TMC6: variants seen among roughly 807,000 people sequenced by gnomAD.
TMC6 encodes transmembrane channel like 6, also known as transmembrane channel-like protein 6.
A neutral mutation model predicts 95.4 loss-of-function variants in TMC6; 71 were observed. That is an observed-to-expected ratio of 0.74 (90% CI 0.61 to 0.91). The LOEUF (loss-of-function observed/expected upper bound fraction) is 0.91, where lower values mean the gene tolerates loss of function less well. Among genes scored for constraint, TMC6 ranks in the 40% least tolerant of loss-of-function variants. The pLI is 0.00. For synonymous variants in TMC6, 514 were observed against 483.1 expected (o/e 1.06, Z -0.84); for missense variants, 1,074 against 1,079.1 (o/e 1.00, Z 0.07).
intron 14 of TMC6, 116 bp downstream of exon 14, chr17:78,119,181 A>AGG: frequency 6.6e-7 from 1 of 1,508,402 alleles, no homozygotes. Flanking sequence ...GCATCACTCC[A>AGG]GGGTCCATGG....
chr17:78,113,553 C>A lies in TMC6; in HGVS notation c.2349G>T (p.Arg783Ser), dbSNP rs189863331. The change falls in exon 19 of 20, where the codon AGG becomes AGT. Residue 783 changes from arginine (R) to serine (S), a missense_variant. Physicochemically the swap from Arg to Ser is moderately radical, Grantham distance 110 (BLOSUM62 -1). Transcript: ENST00000590602. ...ATCCCTCCACGGACCCTCACCTGCT[C>A]CTCTCCTCCCTCTCCTTCCTCTCGT... ...SIYERKEREERSRVGTTEEAA... is the reference protein window; with the variant it reads ...SIYERKEREESSRVGTTEEAA... 74 of 1,614,000 alleles carry A rather than the reference C, an allele frequency of 4.6e-5. 1 individual carries two copies. In the East Asian group the frequency reaches 1.6e-3, roughly 35 times the overall value.
At chr17:78,128,851 CG>C (rs1363929320), upstream of TMC6, 16 of 148,936 alleles carry the variant, frequency 1.1e-4, no homozygotes, top group Non-Finnish European at 2.2e-4. This position sits in a 1 kb window ranked among gnomAD's most constrained non-coding sequence, Gnocchi z 4.0. Flanking sequence ...CGGCCCGCGG[CG>C]CCCCCGCCCT....
Position 78,109,471 on chromosome 17 carries a change from A to C in TMC6, c.*3677T>G, listed in dbSNP as rs750175998. 2.2e-6 allele frequency: 1 copy of C among 456,706 alleles called. No homozygotes were observed. The allele number at this position is 456,706 out of a possible 1,614,324, so 28.3% of individuals were successfully genotyped here. A position where few individuals can be genotyped will look rare whatever the true frequency, so the allele number is the denominator to read the frequency against. ...TGCAGGACTGGCCCCTGAACAGCAC[A>C]AGTGTAGTATGCCTGGGCCCCAGGT... On this transcript the variant is annotated 3_prime_UTR_variant, in exon 20 of 20. Transcript: ENST00000590602.
At position 78,124,010 on chromosome 17, in the gene TMC6, G is replaced by T. The variant is rs755153678; in HGVS notation, c.1061C>A (p.Thr354Asn). 1 of 1,613,836 alleles carries T rather than the reference G, an allele frequency of 6.2e-7. No individual in the cohort carries two copies. The highest frequency in any genetic ancestry group is 8.5e-7 in the Non-Finnish European group (1 of 1,179,984). ...LSTVGVSFFI[T>N]CITLVYSMAH... is the part of the protein sequence containing the mutation. ...TTACCTGTACACCAGGGTGATGCAG[G>T]TGATAAAGAAGCTCACGCCCACAGT... Residue 354 changes from threonine to asparagine, a missense_variant, in exon 9 of 20, where the codon ACC becomes AAC. Thr to Asn is a moderately conservative substitution (Grantham distance 65). Coordinates refer to ENST00000590602, the MANE Select transcript of TMC6 (RefSeq NM_001127198.5).
chr17:78,126,083 G>T, intron 4 of TMC6, 194 bp downstream of exon 4: 1 of 1,113,410 alleles, frequency 9.0e-7, no homozygotes, highest in Non-Finnish European at 1.3e-6. Flanking sequence ...TTGGAGCCCA[G>T]CGAGGGCCAC....
In TMC6 at chr17:78,112,773, C is replaced by T; in HGVS notation, c.*375G>A. On this transcript the variant is annotated 3_prime_UTR_variant, in exon 20 of 20. Coordinates refer to ENST00000590602, the MANE Select transcript of TMC6 (RefSeq NM_001127198.5). ...GAATCAAGCCCTGGCGCGGTCCAGC[C>T]CCTGCCATCTGGGGCTTGGCCAGCA... 2.8e-6 allele frequency: 1 copy of T among 354,854 alleles called. No homozygotes were observed. Among genetic ancestry groups the T allele is most frequent in the Non-Finnish European group, 5.2e-6 (1 of 191,516 alleles). 22.0% of individuals were successfully genotyped at this position (354,854 alleles called of 1,614,324 possible). A position where few individuals can be genotyped will look rare whatever the true frequency, so the allele number is the denominator to read the frequency against.
chr17:78,118,920 A>C, intron 15 of TMC6, 51 bp downstream of exon 15: 3 of 1,547,964 alleles, frequency 1.9e-6, no homozygotes, highest in Non-Finnish European at 2.6e-6. Context: ...TCCTGCCCCC[A>C]CTGCCGGCCA....
intron 18 of TMC6, among the ~76,000 whole-genome samples, chr17:78,116,276 C>CTTTTT (rs34774395): frequency 1.6e-5 from 2 of 125,458 alleles, no homozygotes; most frequent in South Asian, 2.7e-4. Context: ...CATGCCCAGG[C>CTTTTT]TTTTTTTTTT....
Position 78,121,145 on chromosome 17 carries a change from T to C in TMC6, c.1403A>G (p.Gln468Arg), listed in dbSNP as rs939273818. 2.5e-6 allele frequency: 4 copies of C among 1,599,602 alleles called. No homozygotes were observed. Among genetic ancestry groups the C allele is most frequent in the Non-Finnish European group, 3.4e-6 (4 of 1,174,016 alleles). ...GGGCAGGACCAGCAGCACAGCCTCC[T>C]GGCCAGCAGCCTCTGGACTCTGCAG... ...FMIQSPEAAG[Q>R]EAVLLVLPLV... The change falls in exon 12 of 20, where the codon CAG (glutamine) becomes CGG (arginine). Residue 468 changes from glutamine to arginine, a missense_variant. Transcript: ENST00000590602. This position sits in a 1 kb window ranked among gnomAD's most constrained non-coding sequence, Gnocchi z 5.6.
At position 78,125,233 on chromosome 17, in the gene TMC6, T is replaced by C; in HGVS notation, c.461A>G (p.Gln154Arg). ...GTCCCGCTGTGCCACTGCCAGGCTC[T>C]GGAGCTCCTTCACCAGGAGGCTCTG... ...EKQSLLVKEL[Q>R]SLAVAQRDHM... The change falls in exon 6 of 20, where the codon CAG (glutamine) becomes CGG (arginine). Residue 154 changes from glutamine (Q) to arginine (R), a missense_variant. Gln to Arg is a conservative substitution (Grantham distance 43). Transcript: ENST00000590602. 2 of 1,586,832 alleles carry C rather than the reference T, an allele frequency of 1.3e-6. No homozygotes were observed. The highest frequency in any genetic ancestry group is 1.7e-6 in the Non-Finnish European group (2 of 1,165,880).
chr17:78,113,912 C>T (rs544590312), intron 18 of TMC6: 35 of 451,584 alleles, frequency 7.8e-5, no homozygotes, highest in South Asian at 4.2e-4. Context: ...AGCCCTGCCA[C>T]GTACTGGCTC....
chr17:78,121,545 C>G lies in TMC6; in HGVS notation c.1383+11G>C, dbSNP rs562533482. 48 of 1,610,996 alleles carry G rather than the reference C, an allele frequency of 3.0e-5. No homozygotes were observed. The South Asian group carries it at 4.2e-4, about 14-fold the overall frequency. On this transcript the variant is annotated intron_variant, in intron 11 of 19. Transcript: ENST00000590602. The surrounding 1 kb of genome is among the most constrained non-coding windows in gnomAD (Gnocchi z 5.6). ...TTCCAAGCAAGGGCCAGGCTCCCCC[C>G]ATCCCCGCACCTGGATCATGAACTC...
At chr17:78,118,512 C>T (rs1052739309) in intron 15 of TMC6, among the ~76,000 whole-genome samples, 1 of 151,930 alleles carries the variant, frequency 6.6e-6, no homozygotes, top group African/African-American at 2.4e-5. Flanking sequence ...GCCGAGATTG[C>T]GCCACTGCAC....
Position 78,126,339 on chromosome 17 carries a change from G to A in TMC6, c.209C>T (p.Pro70Leu), listed in dbSNP as rs1402008165. ...TGSSQQTLWRPEGTQSTATLR... is the reference protein window; with the variant it reads ...TGSSQQTLWRLEGTQSTATLR... Reference sequence around the variant, plus strand: ...TGTGGCCGTGCTCTGGGTGCCCTCGGGCCGCCAGAGTGTCTGCTGGCTACT... The same window carrying A: ...TGTGGCCGTGCTCTGGGTGCCCTCGAGCCGCCAGAGTGTCTGCTGGCTACT... The change falls in exon 4 of 20, where the codon CCC (proline) becomes CTC (leucine). Residue 70 changes from proline (P) to leucine (L), a missense_variant. Pro to Leu is a moderately conservative substitution (Grantham distance 98). Coordinates refer to ENST00000590602, the MANE Select transcript of TMC6 (RefSeq NM_001127198.5). 1.3e-6 allele frequency: 2 copies of A among 1,581,478 alleles called. No individual in the cohort carries two copies. Among genetic ancestry groups the A allele is most frequent in the East Asian group, 2.3e-5 (1 of 43,548 alleles).
At position 78,118,151 on chromosome 17, in the gene TMC6, G is replaced by A. The variant is rs190397714; in HGVS notation, c.1888-216C>T. 1.0e-4 allele frequency: 75 copies of A among 743,650 alleles called. 1 individual carries two copies. The East Asian group carries it at 2.0e-3, about 20-fold the overall frequency. 46.1% of individuals were successfully genotyped at this position (743,650 alleles called of 1,614,324 possible). On this transcript the variant is annotated intron_variant, in intron 15 of 19. Coordinates refer to ENST00000590602, the MANE Select transcript of TMC6 (RefSeq NM_001127198.5). ...GCCAACAGCACCTCCATCTGCTGAA[G>A]GTCGCTGCCATGCCAGGCTCTGCAC...
chr17:78,118,264 G>C, intron 15 of TMC6: 1 of 433,266 alleles, frequency 2.3e-6, no homozygotes, highest in Admixed American at 3.7e-5. Context: ...AGACGAGACA[G>C]GAGCCAGGAT....
Position 78,117,556 on chromosome 17 carries a change from C to CCT in TMC6, c.2109_2110insAG (p.Ala704ArgfsTer16). 2 of 1,596,326 alleles carry CCT rather than the reference C, an allele frequency of 1.3e-6. No homozygotes were observed. Among genetic ancestry groups the CCT allele is most frequent in the Non-Finnish European group, 1.7e-6 (2 of 1,173,096 alleles). On this transcript the variant is annotated frameshift_variant, in exon 17 of 20. Coordinates refer to ENST00000590602, the MANE Select transcript of TMC6 (RefSeq NM_001127198.5). LOFTEE classifies it high-confidence loss of function. ...GGCAGCCAGGAGACCCTGGGGCCTG[C>CCT]CGCCTCCAGGTGGCGCACCCACACC...
At chr17:78,131,755 G>A, upstream of TMC6, 1 of 1,570,538 alleles carries the variant, frequency 6.4e-7, no homozygotes, top group Non-Finnish European at 8.6e-7. Flanking sequence ...CCACGCGGGC[G>A]CCAGACGGTG....
In TMC6 at chr17:78,127,744, A is replaced by G. The variant is rs1197239364; in HGVS notation, c.-74-838T>C. Among the ~76,000 whole-genome samples, 9 of 152,246 alleles carry G rather than the reference A, an allele frequency of 5.9e-5. No individual in the cohort carries two copies. The East Asian group carries it at 1.5e-3, about 26-fold the overall frequency. Reference sequence around the variant, plus strand: ...CAGGGCTCAAAGTCGGCCGGGTTGAAGGGCGCTTTCCTCGGACAGGCAAAG... The same window carrying G: ...CAGGGCTCAAAGTCGGCCGGGTTGAGGGGCGCTTTCCTCGGACAGGCAAAG... On this transcript the variant is annotated intron_variant, in intron 1 of 19. Transcript: ENST00000590602.
Sources: allele counts gnomAD v4.1 joint callset (sites outside exome capture counted in the v4.1 genomes callset), GRCh38; gene constraint gnomAD v4.1.1; non-coding constraint Gnocchi (gnomAD v3.1); transcripts MANE v1.5; gene names NCBI Gene and HGNC (gene_info 2026-07-23, HGNC 2026-07-21).